The following CADM2 variants were observed in gnomAD, a reference collection of about 807,000 sequenced individuals.
CADM2 encodes the protein immunoglobulin superfamily member 4D.
A neutral mutation model predicts 49.8 loss-of-function variants in CADM2; 12 were observed. The ratio of observed to expected loss-of-function variants is 0.24; its 90% CI spans 0.15 to 0.39. The LOEUF is 0.39. Ranked by LOEUF, CADM2 falls within the 10% of genes least tolerant of loss-of-function variation. The pLI is 1.00. For synonymous variants in CADM2, 214 were observed against 175.4 expected (o/e 1.22, Z -1.74); for missense variants, 378 against 492.3 (o/e 0.77, Z 2.20).
intron 1 of CADM2, among the ~76,000 whole-genome samples, chr3:85,156,386 A>C (rs942644387): frequency 2.0e-5 from 3 of 152,172 alleles, no homozygotes; most frequent in East Asian, 1.9e-4. Context: ...GAAATGGATA[A>C]ATTCCTCGAC....
chr3:85,989,201 CAGA>C (rs1728472441), intron 8 of CADM2, among the ~76,000 whole-genome samples: 1 of 152,072 alleles, frequency 6.6e-6, no homozygotes, highest in Non-Finnish European at 1.5e-5. Context: ...GACTTTTTAA[CAGA>C]AGGACAGGCA....
In CADM2 at chr3:85,493,528, G is replaced by GA. The variant is rs201272705; in HGVS notation, c.62-232988dup. The stretch of plus-strand genomic sequence containing the variant: ...TGTTAAAAGTAGAACTTCTTCCAGT[G>GA]AAAAAAGCACAGTGGTTAAATTGCC... On this transcript the variant is annotated intron_variant, in intron 1 of 9. Transcript: ENST00000383699. Among the ~76,000 whole-genome samples, 620 of 152,192 alleles carry GA rather than the reference G, an allele frequency of 4.1e-3. 3 individuals carry two copies. The highest frequency in any genetic ancestry group is 0.01 in the Middle Eastern group (3 of 294).
chr3:85,615,799 C>T (rs1214437432), intron 1 of CADM2, among the ~76,000 whole-genome samples: 5 of 151,856 alleles, frequency 3.3e-5, no homozygotes, highest in Non-Finnish European at 7.4e-5. Context: ...TTAATATTCA[C>T]AGGTAGTCAC....
chr3:85,897,239 A>ACCTTTT (rs1715336151), intron 5 of CADM2, among the ~76,000 whole-genome samples: 1 of 82,242 alleles, frequency 1.2e-5, no homozygotes, highest in African/African-American at 4.8e-5. Flanking sequence ...TTTAACCTAC[A>ACCTTTT]TCTTTTTTTT....
At chr3:86,005,325 G>A (rs1385745955) in intron 8 of CADM2, among the ~76,000 whole-genome samples, 1 of 152,146 alleles carries the variant, frequency 6.6e-6, no homozygotes, top group African/African-American at 2.4e-5. Flanking sequence ...GCCTCGGCAG[G>A]TGGATCACTA....
intron 1 of CADM2, among the ~76,000 whole-genome samples, chr3:85,409,671 A>G (rs1047172794): frequency 6.6e-6 from 1 of 152,168 alleles, no homozygotes; most frequent in Admixed American, 6.5e-5. Context: ...TGGAGGCAGG[A>G]GACCTGTTAG....
At chr3:85,636,912 C>T (rs1196766514) in intron 1 of CADM2, among the ~76,000 whole-genome samples, 2 of 152,148 alleles carry the variant, frequency 1.3e-5, no homozygotes, top group Non-Finnish European at 2.9e-5. Context: ...ATGATGTCTA[C>T]ACAACAAAAT....
At chr3:85,024,614 TTAC>T (rs2034645005) in intron 1 of CADM2, among the ~76,000 whole-genome samples, 1 of 151,974 alleles carries the variant, frequency 6.6e-6, no homozygotes, top group African/African-American at 2.4e-5. Context: ...TTATGAGATG[TTAC>T]TATGATATCG....
Position 85,671,268 on chromosome 3 carries a change from A to G in CADM2, c.62-55254A>G, listed in dbSNP as rs371538322. On this transcript the variant is annotated intron_variant, in intron 1 of 9. Coordinates refer to ENST00000383699, the MANE Select transcript of CADM2 (RefSeq NM_001167675.2). Reference sequence around the variant, plus strand: ...GCTTACAATCACAGAGACCAACTAAAACAATAAATATTTCTTGCTTGTTTT... The same window carrying G: ...GCTTACAATCACAGAGACCAACTAAGACAATAAATATTTCTTGCTTGTTTT... Among the ~76,000 whole-genome samples the G allele has an allele frequency of 1.4e-4, 22 of 152,310 alleles. No homozygotes were observed. In the South Asian group the frequency reaches 4.6e-3, roughly 32 times the overall value.
intron 1 of CADM2, among the ~76,000 whole-genome samples, chr3:85,701,796 C>A (rs777270284): frequency 6.6e-6 from 1 of 152,018 alleles, no homozygotes; most frequent in African/African-American, 2.4e-5. Flanking sequence ...ATTTCCTTTG[C>A]ATATATTGCC....
At chr3:85,249,777 T>A (rs963170748) in intron 1 of CADM2, among the ~76,000 whole-genome samples, 1 of 151,928 alleles carries the variant, frequency 6.6e-6, no homozygotes, top group African/African-American at 2.4e-5. Flanking sequence ...AAATCTCAAT[T>A]GTTATTCTCT....
At chr3:85,187,222 G>GT (rs2041086216) in intron 1 of CADM2, among the ~76,000 whole-genome samples, 1 of 152,074 alleles carries the variant, frequency 6.6e-6, no homozygotes, top group Non-Finnish European at 1.5e-5. Flanking sequence ...CAATTGCATG[G>GT]TTTTGGAAGC....
intron 1 of CADM2, among the ~76,000 whole-genome samples, chr3:85,124,494 A>G (rs1453628221): frequency 1.3e-5 from 2 of 151,904 alleles, no homozygotes; most frequent in Non-Finnish European, 2.9e-5. Flanking sequence ...AGTCCCAGCT[A>G]CTTGTGAGGC....
At chr3:85,709,110 A>G (rs546642207) in intron 1 of CADM2, among the ~76,000 whole-genome samples, 2 of 152,256 alleles carry the variant, frequency 1.3e-5, no homozygotes, top group South Asian at 2.1e-4. Flanking sequence ...GTCCCCAAAT[A>G]ACTCAGATCT....
At chr3:85,361,431 A>G (rs1234988937) in intron 1 of CADM2, among the ~76,000 whole-genome samples, 1 of 152,168 alleles carries the variant, frequency 6.6e-6, no homozygotes. Context: ...ATGGTCTCCA[A>G]ATAAAATTGT....
intron 1 of CADM2, among the ~76,000 whole-genome samples, chr3:85,005,548 A>G (rs2033677652): frequency 6.6e-6 from 1 of 152,120 alleles, no homozygotes; most frequent in South Asian, 2.1e-4. Flanking sequence ...GCAGATAAAT[A>G]AGGAAAAATC....
intron 2 of CADM2, among the ~76,000 whole-genome samples, chr3:85,735,824 C>A (rs563832592): frequency 1.3e-5 from 2 of 151,940 alleles, no homozygotes; most frequent in South Asian, 4.2e-4. Context: ...AGGACTAACA[C>A]AACAAAATAA....
intron 2 of CADM2, among the ~76,000 whole-genome samples, chr3:85,731,267 G>T (rs1158063947): frequency 6.6e-6 from 1 of 152,082 alleles, no homozygotes; most frequent in Admixed American, 6.5e-5. Context: ...CTTAAGTCAG[G>T]TGCCTATATT....
rs75244613 is a variant in CADM2, at chr3:85,810,225, T to G, written c.238+8029T>G. 2.5e-3 allele frequency among the ~76,000 whole-genome samples: 382 copies of G among 152,180 alleles called. 1 individual carries two copies. The highest frequency in any genetic ancestry group is 8.8e-3 in the African/African-American group (367 of 41,526). On this transcript the variant is annotated intron_variant, in intron 3 of 9. Transcript: ENST00000383699. ...TGAAAATATGTAAATTGACATCTCTTTTCTCCCAACCTCTGTTCTCTTGTC... is the reference window on the plus strand; with the variant it reads ...TGAAAATATGTAAATTGACATCTCTGTTCTCCCAACCTCTGTTCTCTTGTC...
Sources: allele counts gnomAD v4.1 joint callset (sites outside exome capture counted in the v4.1 genomes callset), GRCh38; gene constraint gnomAD v4.1.1; transcripts MANE v1.5; gene names NCBI Gene and HGNC (gene_info 2026-07-23, HGNC 2026-07-21).